The following TMEM38A variants were observed in gnomAD, a reference collection of about 807,000 sequenced individuals.
TMEM38A encodes transmembrane protein 38A.
In TMEM38A, 17 loss-of-function variants were observed where a neutral mutation model predicts 28.6. That is an observed-to-expected ratio of 0.60 (90% confidence interval 0.41 to 0.89). The LOEUF is 0.89. Ranked by LOEUF, TMEM38A falls within the 40% of genes least tolerant of loss-of-function variation. TMEM38A has a pLI of 0.00. For missense variants in TMEM38A, 328 were observed against 393.1 expected (o/e 0.83, Z 1.40); for synonymous variants, 169 against 166.1 (o/e 1.02, Z -0.14).
chr19:16,670,704 C>T (rs1051092276), intron 1 of TMEM38A, among the ~76,000 whole-genome samples: 4 of 151,950 alleles, frequency 2.6e-5, no homozygotes, highest in Non-Finnish European at 5.9e-5. Flanking sequence ...TCTGGGAGGC[C>T]GAGGAAGGTG....
Position 16,661,387 on chromosome 19 carries a change from G to C in TMEM38A, c.124+46G>C, listed in dbSNP as rs755716555. ...GGAGGGGACCGGCAGCGGGTGGCGC[G>C]GGCCGGGGCAGCTCGGGGGTCGCAG... On this transcript the variant is annotated intron_variant, in intron 1 of 5. Coordinates refer to ENST00000187762, the MANE Select transcript of TMEM38A (RefSeq NM_024074.4). This position sits in a 1 kb window ranked among gnomAD's most constrained non-coding sequence, Gnocchi z 6.5. 7 of 1,486,502 alleles carry C rather than the reference G, an allele frequency of 4.7e-6. No individual in the cohort carries two copies. Among genetic ancestry groups the C allele is most frequent in the Non-Finnish European group, 5.4e-6 (6 of 1,106,938 alleles). The allele number at this position is 1,486,502 out of a possible 1,614,324, so 92.1% of individuals were successfully genotyped here. A position where few individuals can be genotyped will look rare whatever the true frequency, so the allele number is the denominator to read the frequency against.
intron 1 of TMEM38A, among the ~76,000 whole-genome samples, chr19:16,676,690 T>A (rs2122588690): frequency 6.6e-6 from 1 of 150,816 alleles, no homozygotes; most frequent in Non-Finnish European, 1.5e-5. Flanking sequence ...ACATGAGTAA[T>A]ACAAGATGCA....
chr19:16,665,963 C>G (rs2086701362), intron 1 of TMEM38A, among the ~76,000 whole-genome samples: 1 of 151,768 alleles, frequency 6.6e-6, no homozygotes, highest in Admixed American at 6.6e-5. Context: ...CATCCACCAC[C>G]ACACCCAGCT....
chr19:16,667,453 G>A (rs1419629360), intron 1 of TMEM38A, among the ~76,000 whole-genome samples: 2 of 152,170 alleles, frequency 1.3e-5, no homozygotes, highest in Non-Finnish European at 2.9e-5. Flanking sequence ...GAAGAAATGA[G>A]TGAATCAATG....
chr19:16,676,755 CTTTTTTTTTTT>C lies in TMEM38A; in HGVS notation c.125-3218_125-3208del, dbSNP rs960732087. Among the ~76,000 whole-genome samples, 14 of 119,274 alleles carry C rather than the reference CTTTTTTTTTTT, an allele frequency of 1.2e-4. 1 individual carries two copies. Among genetic ancestry groups the C allele is most frequent in the Admixed American group, 1.1e-3 (13 of 11,626 alleles). The allele number at this position is 119,274 out of a possible 152,430, so 78.2% of individuals were successfully genotyped here. ...ACCCCGAGTGTTGCATTTTCATGAC[CTTTTTTTTTTT>C]TTTTTTTTTTGAGAGGTAGTCTCGC... On this transcript the variant is annotated intron_variant, in intron 1 of 5. Transcript: ENST00000187762.
chr19:16,678,655 C>T (rs1021476212), intron 1 of TMEM38A, among the ~76,000 whole-genome samples: 5 of 148,904 alleles, frequency 3.4e-5, no homozygotes, highest in African/African-American at 1.2e-4. Flanking sequence ...GTCCCAAATA[C>T]TTTCGAGGCT....
At chr19:16,668,625 C>T (rs1469100886) in intron 1 of TMEM38A, among the ~76,000 whole-genome samples, 1 of 151,930 alleles carries the variant, frequency 6.6e-6, no homozygotes, top group Non-Finnish European at 1.5e-5. Flanking sequence ...CAGACATGAG[C>T]CACTGCACCC....
intron 1 of TMEM38A, among the ~76,000 whole-genome samples, chr19:16,667,611 C>A (rs895614235): frequency 6.6e-6 from 1 of 152,210 alleles, no homozygotes; most frequent in South Asian, 2.1e-4. Context: ...AATCCCAGCA[C>A]TTTGGGAGGC....
intron 5 of TMEM38A, 24 bp downstream of exon 5, chr19:16,686,429 A>T (rs2249827): frequency 1.3e-6 from 2 of 1,595,472 alleles, no homozygotes; most frequent in African/African-American, 1.3e-5. Flanking sequence ...TTCTTGCAGC[A>T]TTCTTGCCTT....
At chr19:16,688,097 G>T in intron 5 of TMEM38A, 47 bp from the exon 6 acceptor site, 2 of 1,301,306 alleles carry the variant, frequency 1.5e-6, no homozygotes, top group Non-Finnish European at 2.0e-6. Flanking sequence ...TTTCTACCTT[G>T]GTCTCCCTCT....
intron 3 of TMEM38A, 48 bp downstream of exon 3, chr19:16,680,629 G>A: frequency 6.3e-7 from 1 of 1,591,314 alleles, no homozygotes; most frequent in Non-Finnish European, 8.6e-7. Context: ...GAGAACTTTT[G>A]GTTCAGTGGT....
At chr19:16,672,024 C>T (rs1188243646) in intron 1 of TMEM38A, among the ~76,000 whole-genome samples, 1 of 152,062 alleles carries the variant, frequency 6.6e-6, no homozygotes, top group Non-Finnish European at 1.5e-5. Flanking sequence ...TAAATAGACC[C>T]TAGGAGAGGA....
At chr19:16,687,514 C>T (rs1480898799) in intron 5 of TMEM38A, among the ~76,000 whole-genome samples, 3 of 152,222 alleles carry the variant, frequency 2.0e-5, no homozygotes, top group African/African-American at 7.2e-5. Flanking sequence ...GAGTGAGACC[C>T]TGTCTCCAAA....
intron 4 of TMEM38A, among the ~76,000 whole-genome samples, chr19:16,683,365 G>C (rs1222305594): frequency 2.0e-5 from 3 of 151,880 alleles, no homozygotes; most frequent in Non-Finnish European, 4.4e-5. Context: ...AAGCCTGGAG[G>C]TTTGCTTGAG....
At chr19:16,672,412 T>C (rs1453871711) in intron 1 of TMEM38A, among the ~76,000 whole-genome samples, 1 of 150,016 alleles carries the variant, frequency 6.7e-6, no homozygotes, top group Admixed American at 6.6e-5. Flanking sequence ...TAACGATAGC[T>C]GATGAGCTTA....
chr19:16,668,227 T>C (rs2086711566), intron 1 of TMEM38A, among the ~76,000 whole-genome samples: 4 of 150,570 alleles, frequency 2.7e-5, no homozygotes, highest in South Asian at 4.2e-4. Flanking sequence ...AAATAATAAA[T>C]AATAAATTAA....
chr19:16,688,067 C>T, intron 5 of TMEM38A, 77 bp from the exon 6 acceptor site: 1 of 1,066,086 alleles, frequency 9.4e-7, no homozygotes, highest in Non-Finnish European at 1.3e-6. Context: ...TTCTCCCCAC[C>T]CTGCCCTCCA....
intron 1 of TMEM38A, among the ~76,000 whole-genome samples, chr19:16,663,205 T>A (rs2086689558): frequency 6.6e-6 from 1 of 150,922 alleles, no homozygotes; most frequent in Admixed American, 6.6e-5. Flanking sequence ...CACTTGAACC[T>A]GGGAGGCGGA....
chr19:16,665,847 T>C (rs1194944702), intron 1 of TMEM38A, among the ~76,000 whole-genome samples: 2 of 151,468 alleles, frequency 1.3e-5, no homozygotes, highest in African/African-American at 4.9e-5. Flanking sequence ...CTTGTTTTGC[T>C]GCCCAGGCTG....
Sources: gnomAD v4.1 joint callset for allele counts (sites outside exome capture counted in the v4.1 genomes callset) on GRCh38, gnomAD v4.1.1 for gene constraint, Gnocchi (gnomAD v3.1) non-coding constraint, MANE v1.5 for transcripts, NCBI Gene and HGNC (gene_info 2026-07-23, HGNC 2026-07-21) for gene names.